Variants in ALCAM observed in about 807,000 individuals in gnomAD.
ALCAM encodes activated leukocyte cell adhesion molecule, also known as CD166 antigen.
A neutral mutation model predicts 70.9 loss-of-function variants in ALCAM; 30 were observed. The ratio of observed to expected loss-of-function variants is 0.42; its 90% CI spans 0.32 to 0.57. ALCAM has a LOEUF of 0.57. Among genes scored for constraint, ALCAM ranks in the 20% least tolerant of loss-of-function variants. The pLI is 0.11. For synonymous variants in ALCAM, 249 were observed against 242.5 expected, an observed-to-expected ratio of 1.03 and a Z score of -0.25; for missense variants, 591 against 695.1, an observed-to-expected ratio of 0.85 and a Z score of 1.68.
chr3:105,551,630 C>A (rs1940408957), intron 12 of ALCAM, among the ~76,000 whole-genome samples: 1 of 151,556 alleles, frequency 6.6e-6, no homozygotes, highest in African/African-American at 2.4e-5. Flanking sequence ...GCTTTGCAAA[C>A]ATCATGTATG....
chr3:105,547,035 A>C (rs1940266194), intron 9 of ALCAM, 114 bp from the exon 10 acceptor site: 1 of 858,284 alleles, frequency 1.2e-6, no homozygotes. Flanking sequence ...AAGAAAAAGA[A>C]GTTTGCATTT....
Position 105,541,882 on chromosome 3 carries a change from G to C in ALCAM, c.991+117G>C, listed in dbSNP as rs535841612. ...TTTCTTAAATAACTTGGTTGCAATA[G>C]ATGCAGTAGAGAGAGAAAGCATCGG... On this transcript the variant is annotated intron_variant, in intron 8 of 15. Transcript: ENST00000306107. 8.9e-6 allele frequency: 11 copies of C among 1,239,600 alleles called. No homozygotes were observed. The Admixed American group carries it at 2.3e-4, about 25-fold the overall frequency. The allele number at this position is 1,239,600 out of a possible 1,614,324, so 76.8% of individuals were successfully genotyped here. A position where few individuals can be genotyped will look rare whatever the true frequency, so the allele number is the denominator to read the frequency against.
chr3:105,526,779 C>T (rs1264815179), intron 3 of ALCAM, among the ~76,000 whole-genome samples: 2 of 152,142 alleles, frequency 1.3e-5, no homozygotes, highest in East Asian at 1.9e-4. Context: ...GCAGCTGTGA[C>T]AGGGAGACTT....
intron 1 of ALCAM, among the ~76,000 whole-genome samples, chr3:105,434,764 T>C (rs771707948): frequency 6.6e-6 from 1 of 152,152 alleles, no homozygotes; most frequent in Non-Finnish European, 1.5e-5. Flanking sequence ...AAGTTTATAT[T>C]GGAATTTTGA....
rs1049677854 is a variant in ALCAM at position 105,539,390 on chromosome 3, C to A, written c.731-585C>A. Among the ~76,000 whole-genome samples the A allele has an allele frequency of 5.3e-5, 8 of 152,154 alleles. No individual in the cohort carries two copies. The East Asian group carries it at 1.2e-3, about 22-fold the overall frequency. On this transcript the variant is annotated intron_variant, in intron 6 of 15. Transcript: ENST00000306107. ...TGCATCTTGGCTCCAATGAACAGGACAAAATTACAATACACTTACAGTCCT... is the reference window on the plus strand; with the variant it reads ...TGCATCTTGGCTCCAATGAACAGGAAAAAATTACAATACACTTACAGTCCT...
At chr3:105,401,992 A>T (rs66965318) in intron 1 of ALCAM, among the ~76,000 whole-genome samples, 16,899 of 152,196 alleles carry the variant, frequency 0.11, 1,059 homozygotes, top group Middle Eastern at 0.17. Flanking sequence ...CTTGAAAAAA[A>T]CAGAGAAGAA....
intron 1 of ALCAM, among the ~76,000 whole-genome samples, chr3:105,444,400 G>C (rs73183103): frequency 0.15 from 22,724 of 151,912 alleles, 1,808 homozygotes; most frequent in Middle Eastern, 0.19. Flanking sequence ...ACCACCAGAT[G>C]TCATGACAAC....
intron 14 of ALCAM, among the ~76,000 whole-genome samples, chr3:105,562,643 A>T (rs1940650260): frequency 6.6e-6 from 1 of 152,110 alleles, no homozygotes; most frequent in Admixed American, 6.5e-5. Flanking sequence ...AATAATGTGG[A>T]TCTTATAAAA....
chr3:105,483,957 T>C (rs150122508), intron 1 of ALCAM, among the ~76,000 whole-genome samples: 13 of 152,138 alleles, frequency 8.5e-5, no homozygotes, highest in Non-Finnish European at 1.9e-4. Flanking sequence ...AACTTACCTG[T>C]TCTTAGACAA....
intron 1 of ALCAM, among the ~76,000 whole-genome samples, chr3:105,420,728 T>G (rs1936628361): frequency 6.6e-6 from 1 of 151,664 alleles, no homozygotes; most frequent in Admixed American, 6.6e-5. Flanking sequence ...AACTTTTCTT[T>G]GTTTCACAGA....
rs545235558 is a variant in ALCAM, at chr3:105,461,228, G to A, written c.74-58839G>A. Among the ~76,000 whole-genome samples the A allele has an allele frequency of 9.7e-4, 147 of 151,928 alleles. 1 individual carries two copies. Among genetic ancestry groups the A allele is most frequent in the East Asian group, 2.7e-3 (14 of 5,176 alleles). Reference sequence around the variant, plus strand: ...TTGATTACTGCCAAAGAAGAATGCAGGCCAGTGTGACCAAATTTGGTGTTT... The same window carrying A: ...TTGATTACTGCCAAAGAAGAATGCAAGCCAGTGTGACCAAATTTGGTGTTT... On this transcript the variant is annotated intron_variant, in intron 1 of 15. Coordinates refer to ENST00000306107, the MANE Select transcript of ALCAM (RefSeq NM_001627.4).
intron 1 of ALCAM, among the ~76,000 whole-genome samples, chr3:105,504,496 C>A (rs1939009261): frequency 6.6e-6 from 1 of 152,184 alleles, no homozygotes; most frequent in African/African-American, 2.4e-5. Flanking sequence ...AAGGTTTTCT[C>A]CTGGAGTCTG....
intron 7 of ALCAM, among the ~76,000 whole-genome samples, chr3:105,540,549 A>G (rs542417169): frequency 2.0e-5 from 3 of 152,058 alleles, no homozygotes; most frequent in African/African-American, 4.8e-5. Flanking sequence ...TTTTTTGGTC[A>G]TTATGTATAA....
chr3:105,446,559 G>T (rs1307140608), intron 1 of ALCAM, among the ~76,000 whole-genome samples: 6 of 150,724 alleles, frequency 4.0e-5, no homozygotes, highest in Non-Finnish European at 8.9e-5. Context: ...CCATGATATG[G>T]ATTCAACCTA....
At chr3:105,374,493 T>C (rs1576117631) in intron 1 of ALCAM, among the ~76,000 whole-genome samples, 1 of 152,122 alleles carries the variant, frequency 6.6e-6, no homozygotes, top group Admixed American at 6.6e-5. Flanking sequence ...AATCTTCTAA[T>C]TATAATGTGA....
intron 14 of ALCAM, among the ~76,000 whole-genome samples, chr3:105,570,352 AAAATGTCAATTTGATTTT>A (rs1940835302): frequency 1.3e-5 from 2 of 152,302 alleles, no homozygotes; most frequent in South Asian, 4.1e-4. Flanking sequence ...TTTCAGTTCC[AAAATGTCAATTTGATTTT>A]AAAGGATCAA....
chr3:105,457,664 A>T (rs572514316), intron 1 of ALCAM, among the ~76,000 whole-genome samples: 1 of 152,164 alleles, frequency 6.6e-6, no homozygotes, highest in Non-Finnish European at 1.5e-5. Flanking sequence ...CACAAAGTAC[A>T]TGTTGTGAAC....
chr3:105,471,741 G>A (rs1937936972), intron 1 of ALCAM, among the ~76,000 whole-genome samples: 1 of 151,082 alleles, frequency 6.6e-6, no homozygotes, highest in South Asian at 2.1e-4. Context: ...TTGTGAAATG[G>A]TTAAATCTAG....
At chr3:105,561,002 T>C (rs1378761498) in intron 14 of ALCAM, among the ~76,000 whole-genome samples, 4 of 152,224 alleles carry the variant, frequency 2.6e-5, no homozygotes, top group Non-Finnish European at 5.9e-5. Flanking sequence ...GACAACTTAC[T>C]AATATTTGGT....
Sources: allele counts gnomAD v4.1 joint callset (sites outside exome capture counted in the v4.1 genomes callset), GRCh38; gene constraint gnomAD v4.1.1; transcripts MANE v1.5; gene names NCBI Gene and HGNC (gene_info 2026-07-23, HGNC 2026-07-21).